SPAG16: variants seen among roughly 807,000 people sequenced by gnomAD.
SPAG16 encodes sperm associated antigen 16.
In SPAG16, 86 loss-of-function variants were observed where a neutral mutation model predicts 80.4. The observed-to-expected ratio is 1.07, with a 90% CI of 0.90 to 1.28. The LOEUF is 1.28. Ranked by LOEUF, SPAG16 falls within the 50% of genes most tolerant of loss-of-function variation. The pLI is 0.00. For synonymous variants in SPAG16, 294 were observed against 265.9 expected (o/e 1.11, Z -1.03); for missense variants, 870 against 765.3 (o/e 1.14, Z -1.61).
chr2:213,726,458 G>A (rs761158659), intron 10 of SPAG16, among the ~76,000 whole-genome samples: 1 of 152,154 alleles, frequency 6.6e-6, no homozygotes, highest in Non-Finnish European at 1.5e-5. Flanking sequence ...AATGTGTTTA[G>A]CTAGAGAATA....
At chr2:213,643,126 G>C (rs1255924723) in intron 10 of SPAG16, among the ~76,000 whole-genome samples, 1 of 150,494 alleles carries the variant, frequency 6.6e-6, no homozygotes, top group East Asian at 2.0e-4. Flanking sequence ...AATACAACAG[G>C]TCTGATATTG....
At chr2:213,798,585 T>C (rs977585999) in intron 10 of SPAG16, among the ~76,000 whole-genome samples, 8 of 152,154 alleles carry the variant, frequency 5.3e-5, no homozygotes, top group African/African-American at 1.9e-4. Flanking sequence ...CATAAAACTT[T>C]TAAATTCTGA....
intron 9 of SPAG16, among the ~76,000 whole-genome samples, chr2:213,395,709 T>C (rs536649863): frequency 6.6e-6 from 1 of 152,212 alleles, no homozygotes; most frequent in Non-Finnish European, 1.5e-5. Flanking sequence ...TTTCCACCTT[T>C]CAGAGTTCCC....
chr2:213,545,290 C>T (rs1464466386), intron 10 of SPAG16, among the ~76,000 whole-genome samples: 1 of 151,986 alleles, frequency 6.6e-6, no homozygotes, highest in Non-Finnish European at 1.5e-5. Context: ...AGGTCTTTGG[C>T]CCATTTTAAA....
intron 9 of SPAG16, among the ~76,000 whole-genome samples, chr2:213,469,924 C>A (rs920372790): frequency 1.3e-5 from 2 of 152,096 alleles, no homozygotes; most frequent in Admixed American, 1.3e-4. Flanking sequence ...GTTGTGTCTC[C>A]TGGTGGAAGC....
intron 11 of SPAG16, among the ~76,000 whole-genome samples, chr2:213,889,607 C>T (rs1206853489): frequency 6.6e-6 from 1 of 150,638 alleles, no homozygotes; most frequent in African/African-American, 2.4e-5. Context: ...CTCACACACA[C>T]ACACACAAAA....
intron 10 of SPAG16, among the ~76,000 whole-genome samples, chr2:213,682,597 A>C (rs552324567): frequency 6.6e-6 from 1 of 152,160 alleles, no homozygotes; most frequent in Non-Finnish European, 1.5e-5. Flanking sequence ...ACAAGCTCAG[A>C]ATGTTTCTGT....
intron 15 of SPAG16, among the ~76,000 whole-genome samples, chr2:214,271,144 C>A (rs1167236415): frequency 2.6e-5 from 4 of 152,038 alleles, no homozygotes; most frequent in Non-Finnish European, 4.4e-5. Context: ...TCTCTAAAAC[C>A]AATGACTAGT....
At chr2:213,575,720 T>C (rs1159344755) in intron 10 of SPAG16, among the ~76,000 whole-genome samples, 2 of 152,170 alleles carry the variant, frequency 1.3e-5, no homozygotes, top group Admixed American at 6.5e-5. Flanking sequence ...TGTTCAGCAA[T>C]TCATATCAAC....
intron 11 of SPAG16, among the ~76,000 whole-genome samples, chr2:213,929,346 G>T (rs1379365540): frequency 6.6e-6 from 1 of 151,038 alleles, no homozygotes; most frequent in Non-Finnish European, 1.5e-5. Flanking sequence ...ACTAGCTTTT[G>T]TGTCCACCAC....
At position 213,836,179 on chromosome 2, in the gene SPAG16, C is replaced by A. The variant is rs193299979; in HGVS notation, c.1071-26306C>A. ...ACTTAAGGAATTTTCATTATTCGCC[C>A]CCCCCCCCATTTCCTATGTCTGAGA... is the stretch of plus-strand genomic sequence containing the variant. On this transcript the variant is annotated intron_variant, in intron 10 of 15. Coordinates refer to ENST00000331683, the MANE Select transcript of SPAG16 (RefSeq NM_024532.5). Among the ~76,000 whole-genome samples, 790 of 135,504 alleles carry A rather than the reference C, an allele frequency of 5.8e-3. 23 individuals carry two copies. The highest frequency in any genetic ancestry group is 0.053 in the East Asian group (231 of 4,336). 88.9% of individuals were successfully genotyped at this position (135,504 alleles called of 152,430 possible). A position where few individuals can be genotyped will look rare whatever the true frequency, so the allele number is the denominator to read the frequency against.
intron 11 of SPAG16, among the ~76,000 whole-genome samples, chr2:213,890,675 G>T (rs568694941): frequency 2.6e-5 from 4 of 151,674 alleles, no homozygotes; most frequent in Non-Finnish European, 5.9e-5. Context: ...CTATATATAG[G>T]CCAGTTGTAT....
chr2:213,659,677 A>G (rs1403249469), intron 10 of SPAG16, among the ~76,000 whole-genome samples: 2 of 152,232 alleles, frequency 1.3e-5, no homozygotes, highest in Non-Finnish European at 2.9e-5. Flanking sequence ...AAGCACAGTA[A>G]ACAATGCTAT....
intron 13 of SPAG16, among the ~76,000 whole-genome samples, chr2:214,061,276 C>T (rs891596408): frequency 8.5e-5 from 13 of 152,076 alleles, no homozygotes; most frequent in African/African-American, 1.7e-4. Flanking sequence ...GGGAATTATG[C>T]GTGTTATAAC....
chr2:214,098,360 G>A (rs1448060912), intron 13 of SPAG16, among the ~76,000 whole-genome samples: 2 of 151,950 alleles, frequency 1.3e-5, no homozygotes, highest in African/African-American at 4.8e-5. Flanking sequence ...TATCTTGGAA[G>A]GTGACTGTAT....
At chr2:213,833,548 A>ATTATATATATTATATATTATATATATT (rs374240295) in intron 10 of SPAG16, among the ~76,000 whole-genome samples, 1 of 808 alleles carries the variant, frequency 1.2e-3, no homozygotes. Flanking sequence ...TAATATATAT[A>ATTATATATATTATATATTATATATATT]ATATATATAA....
intron 10 of SPAG16, among the ~76,000 whole-genome samples, chr2:213,814,227 G>A (rs1460847950): frequency 6.6e-6 from 1 of 152,202 alleles, no homozygotes; most frequent in Non-Finnish European, 1.5e-5. Flanking sequence ...ATTCTGCAGT[G>A]TTGAGGAAGA....
At chr2:214,139,058 G>T (rs2055211754) in intron 14 of SPAG16, among the ~76,000 whole-genome samples, 1 of 152,064 alleles carries the variant, frequency 6.6e-6, no homozygotes, top group African/African-American at 2.4e-5. Context: ...TCAGTGAAAA[G>T]GTTTTCAGGT....
chr2:214,212,956 C>T (rs963831519), intron 15 of SPAG16, among the ~76,000 whole-genome samples: 42 of 152,210 alleles, frequency 2.8e-4, no homozygotes, highest in East Asian at 1.5e-3. Flanking sequence ...TCTGAAGGCA[C>T]GGTGGGCCAC....
Sources: gnomAD v4.1 joint callset for allele counts (sites outside exome capture counted in the v4.1 genomes callset) on GRCh38, gnomAD v4.1.1 for gene constraint, MANE v1.5 for transcripts, NCBI Gene and HGNC (gene_info 2026-07-23, HGNC 2026-07-21) for gene names.